Variants in LAMA1 observed in about 807,000 individuals in gnomAD.
LAMA1 encodes laminin subunit alpha-1.
Under a neutral mutation model 348.7 loss-of-function variants are expected in LAMA1, and 219 were observed. The observed-to-expected ratio is 0.63, with a 90% CI of 0.56 to 0.70. The LOEUF is 0.70. LAMA1 is among the 30% of genes least tolerant of loss of function. The probability of loss-of-function intolerance (pLI) is 0.00; values close to 1 mark genes in which losing one functional copy is unlikely to be tolerated. For missense variants in LAMA1, 3,744 were observed against 3,888.0 expected, an observed-to-expected ratio of 0.96 and a Z score of 0.99; for synonymous variants, 1,487 against 1,491.0, an observed-to-expected ratio of 1.00 and a Z score of 0.06.
At chr18:7,089,611 C>T (rs1420089045) in intron 1 of LAMA1, among the ~76,000 whole-genome samples, 9 of 152,264 alleles carry the variant, frequency 5.9e-5, no homozygotes, top group Non-Finnish European at 1.3e-4. Flanking sequence ...CTGGCAGCAG[C>T]TGCCTCCAGC....
intron 16 of LAMA1, among the ~76,000 whole-genome samples, chr18:7,027,570 A>G (rs1034019191): frequency 2.7e-5 from 4 of 146,740 alleles, no homozygotes; most frequent in African/African-American, 8.1e-5. Context: ...ATCCACAATC[A>G]GGGGAAAAAA....
At chr18:6,973,028 C>G (rs781028292) in intron 47 of LAMA1, 29 bp downstream of exon 47, 3 of 1,613,210 alleles carry the variant, frequency 1.9e-6, no homozygotes, top group South Asian at 2.2e-5. Context: ...GTCAATCAGT[C>G]CTGTTCAGAA....
Position 6,983,114 on chromosome 18 carries a change from C to T in LAMA1, c.5781G>A (p.Val1927=), listed in dbSNP as rs758063590. The change falls in exon 40 of 63, where the codon GTG becomes GTA. Residue 1927 remains valine, a synonymous_variant. Coordinates refer to ENST00000389658, the MANE Select transcript of LAMA1 (RefSeq NM_005559.4). ...EELARDAHRT[V]TETSLLSESL... The stretch of plus-strand genomic sequence containing the variant: ...CGTTTCCTACCAGGCTCGTCTCAGT[C>T]ACAGTCCTGTGAGCATCTCTGGCCA... The T allele has an allele frequency of 1.2e-6, 2 of 1,614,152 alleles. No individual in the cohort carries two copies. The highest frequency in any genetic ancestry group is 1.7e-6 in the Non-Finnish European group (2 of 1,180,034).
chr18:6,973,325 C>T (rs1045609342), intron 46 of LAMA1, 118 bp from the exon 47 acceptor site: 7 of 866,022 alleles, frequency 8.1e-6, no homozygotes, highest in African/African-American at 1.7e-5. Flanking sequence ...AACAGCACCC[C>T]CCTGCTGGCC....
chr18:7,033,128 C>T lies in LAMA1; in HGVS notation c.2052-33G>A, dbSNP rs187349112. The T allele has an allele frequency of 1.4e-3, 1,955 of 1,437,108 alleles. 19 individuals carry two copies. The highest frequency in any genetic ancestry group is 6.8e-4 in the Non-Finnish European group (699 of 1,033,178). The allele number at this position is 1,437,108 out of a possible 1,614,324, so 89.0% of individuals were successfully genotyped here. On this transcript the variant is annotated intron_variant, in intron 14 of 62. Coordinates refer to ENST00000389658, the MANE Select transcript of LAMA1 (RefSeq NM_005559.4). The stretch of plus-strand genomic sequence containing the variant: ...TAGACAGATTGTTATGTGACTCACA[C>T]GCTCGCAAATACATCTCACATCTCA...
chr18:6,953,049 G>A (rs868043393), intron 57 of LAMA1, among the ~76,000 whole-genome samples: 50 of 133,456 alleles, frequency 3.7e-4, no homozygotes, highest in African/African-American at 1.4e-3. Flanking sequence ...ATGTCTGCCT[G>A]TGTCCGGCGG....
At chr18:7,013,734 T>C in intron 23 of LAMA1, 81 bp downstream of exon 23, 1 of 1,382,496 alleles carries the variant, frequency 7.2e-7, no homozygotes, top group East Asian at 2.3e-5. Flanking sequence ...AAAACCTGGC[T>C]GCTTAGGTAA....
At chr18:6,970,934 C>A (rs1353887379) in intron 48 of LAMA1, among the ~76,000 whole-genome samples, 1 of 152,030 alleles carries the variant, frequency 6.6e-6, no homozygotes, top group Admixed American at 6.6e-5. Context: ...TTTAAACAAG[C>A]GAAGGAAGGG....
At chr18:7,107,686 C>T (rs2058317949) in intron 1 of LAMA1, among the ~76,000 whole-genome samples, 1 of 152,142 alleles carries the variant, frequency 6.6e-6, no homozygotes, top group Non-Finnish European at 1.5e-5. Flanking sequence ...GACAATACTC[C>T]TATAAGGAAA....
chr18:7,015,979 C>A, intron 21 of LAMA1, 121 bp from the exon 22 acceptor site: 1 of 1,191,446 alleles, frequency 8.4e-7, no homozygotes, highest in Admixed American at 1.9e-5. Flanking sequence ...CTAAAAGACG[C>A]CTCACAATTC....
intron 20 of LAMA1, among the ~76,000 whole-genome samples, chr18:7,016,912 C>T (rs1265361084): frequency 6.6e-6 from 1 of 152,066 alleles, no homozygotes; most frequent in Non-Finnish European, 1.5e-5. Context: ...AATTGTAATC[C>T]CCATGTGTCA....
At chr18:7,074,807 A>G (rs1668903148) in intron 3 of LAMA1, among the ~76,000 whole-genome samples, 1 of 151,372 alleles carries the variant, frequency 6.6e-6, no homozygotes, top group African/African-American at 2.4e-5. Context: ...TTTAAAAAGC[A>G]AAGAAGTAAA....
In LAMA1 at chr18:7,080,343, C is replaced by T. The variant is rs375547281; in HGVS notation, c.176G>A (p.Arg59Gln). ...FCKLVEHVPG[R>Q]PVRNPQCRIC... ...CCGGCACTGTGGGTTTCGGACGGGC[C>T]GACCTGGCACATGCTCCACAAGTTT... The change falls in exon 2 of 63, where the codon CGG becomes CAG. Residue 59 changes from arginine (R) to glutamine (Q), a missense_variant. Physicochemically the swap from Arg to Gln is conservative, Grantham distance 43. Around this residue, in one of 3 missense-constraint regions of LAMA1, gnomAD observed 1,529 missense variants for 1,689.4 expected, o/e 0.91. Transcript: ENST00000389658. 2.1e-5 allele frequency: 34 copies of T among 1,614,126 alleles called. No individual in the cohort carries two copies. The highest frequency in any genetic ancestry group is 4.5e-5 in the East Asian group (2 of 44,902).
intron 3 of LAMA1, among the ~76,000 whole-genome samples, chr18:7,063,049 G>A (rs1032870556): frequency 1.3e-5 from 2 of 152,084 alleles, no homozygotes; most frequent in Non-Finnish European, 1.5e-5. Flanking sequence ...TGTACTTAAC[G>A]AACTCCATTA....
In LAMA1 at chr18:6,956,657, C is replaced by T. The variant is rs575310299; in HGVS notation, c.8073G>A (p.Leu2691=). 2.6e-4 allele frequency: 420 copies of T among 1,614,160 alleles called. 3 individuals carry two copies. The South Asian group carries it at 4.3e-3, about 16-fold the overall frequency. The change falls in exon 56 of 63, where the codon TTG becomes TTA. Residue 2691 remains leucine, a synonymous_variant. Transcript: ENST00000389658. ...LAPDAEDSKL[L]PEPRAFPEQC... The stretch of plus-strand genomic sequence containing the variant: ...CTACTGGAAAAGCCCGGGGCTCTGG[C>T]AAGAGCTTGCTGTCCTCTGCATCGG...
In LAMA1 at chr18:7,008,597, A is replaced by C; in HGVS notation, c.4013T>G (p.Ile1338Ser). 3 of 1,613,970 alleles carry C rather than the reference A, an allele frequency of 1.9e-6. No homozygotes were observed. The highest frequency in any genetic ancestry group is 2.5e-6 in the Non-Finnish European group (3 of 1,179,960). Residue 1338 changes from isoleucine to serine, a missense_variant, in exon 28 of 63, where the codon ATT becomes AGT. Physicochemically the swap from Ile to Ser is moderately radical, Grantham distance 142 (BLOSUM62 -2). Transcript: ENST00000389658. ...AGCCTTTCTGCCAACCTCCATTGAA[A>C]TGTCTGAGATTCTGTGCAGCCATCA... ...QGLQQSRISD[I>S]SMEVGRKAEK...
At chr18:7,047,381 C>A (rs552737589) in intron 5 of LAMA1, among the ~76,000 whole-genome samples, 1 of 152,172 alleles carries the variant, frequency 6.6e-6, no homozygotes, top group South Asian at 2.1e-4. Context: ...CATTATTGAA[C>A]AAGACCTTTT....
Position 6,982,564 on chromosome 18 carries a change from C to T in LAMA1, c.5823G>A (p.Gly1941=). ...SLLSESLVSN[G]KAAVQRSSRF... The stretch of plus-strand genomic sequence containing the variant: ...TGGAGCTGCGCTGCACGGCCGCTTT[C>T]CCGTTAGAAACAAGGGATTCTGAGA... The change falls in exon 41 of 63, where the codon GGG becomes GGA. Residue 1941 remains glycine (G), a synonymous_variant. Coordinates refer to ENST00000389658, the MANE Select transcript of LAMA1 (RefSeq NM_005559.4). 1.2e-5 allele frequency: 19 copies of T among 1,614,160 alleles called. No individual in the cohort carries two copies. Among genetic ancestry groups the T allele is most frequent in the Non-Finnish European group, 1.6e-5 (19 of 1,180,042 alleles).
rs371407311 is a variant in LAMA1 at position 6,996,737 on chromosome 18, C to T, written c.4806+1005G>A. Among the ~76,000 whole-genome samples, 99 of 152,108 alleles carry T rather than the reference C, an allele frequency of 6.5e-4. No individual in the cohort carries two copies. The South Asian group carries it at 8.3e-3, about 13-fold the overall frequency. ...AAGGCTGCAGTGGGCCATGACTGCG[C>T]CACTGCATGCCAACCTGGGTGACTG... On this transcript the variant is annotated intron_variant, in intron 33 of 62. Coordinates refer to ENST00000389658, the MANE Select transcript of LAMA1 (RefSeq NM_005559.4).
Sources: gnomAD v4.1 joint callset for allele counts (sites outside exome capture counted in the v4.1 genomes callset) on GRCh38, gnomAD v4.1.1 for gene constraint, gnomAD v4.1.1 regional missense constraint, MANE v1.5 for transcripts, NCBI Gene and HGNC (gene_info 2026-07-23, HGNC 2026-07-21) for gene names.